SLC25A21: variants seen among roughly 807,000 people sequenced by gnomAD.
SLC25A21 encodes the protein solute carrier family 25 member 21.
SLC25A21 carries 47 observed loss-of-function variants against 43.8 expected under a neutral mutation model. That is an observed-to-expected ratio of 1.07 (90% CI 0.85 to 1.37). The LOEUF is 1.37. Ranked by LOEUF, SLC25A21 falls within the 40% of genes most tolerant of loss-of-function variation. The probability of loss-of-function intolerance (pLI) is 0.00; values close to 1 mark genes in which losing one functional copy is unlikely to be tolerated. For synonymous variants in SLC25A21, 131 were observed against 121.3 expected (o/e 1.08, Z -0.52); for missense variants, 352 against 350.2 (o/e 1.00, Z -0.04).
At chr14:37,099,717 T>C (rs910700192) in intron 1 of SLC25A21, among the ~76,000 whole-genome samples, 5 of 152,172 alleles carry the variant, frequency 3.3e-5, no homozygotes, top group Non-Finnish European at 5.9e-5. Context: ...AGGCTCCATA[T>C]TGGGAACTTT....
At chr14:37,063,324 AC>A (rs1357468206) in intron 1 of SLC25A21, among the ~76,000 whole-genome samples, 1 of 151,876 alleles carries the variant, frequency 6.6e-6, no homozygotes, top group African/African-American at 2.4e-5. Flanking sequence ...ACATGGTGAA[AC>A]CCCGTCTCTA....
rs150055712 is a variant in SLC25A21 at position 37,009,882 on chromosome 14, C to T, written c.71-134878G>A. On this transcript the variant is annotated intron_variant, in intron 1 of 9. Coordinates refer to ENST00000331299, the MANE Select transcript of SLC25A21 (RefSeq NM_030631.4). ...GAGAGACAGGGCTCAGGACACATTG[C>T]TTTGCAAGCTTTAAAAAACTTAAGA... 6.6e-5 allele frequency among the ~76,000 whole-genome samples: 10 copies of T among 152,202 alleles called. No homozygotes were observed. In the East Asian group the frequency reaches 1.5e-3, roughly 24 times the overall value.
intron 5 of SLC25A21, among the ~76,000 whole-genome samples, chr14:36,728,191 A>G (rs1022650705): frequency 6.6e-6 from 1 of 152,236 alleles, no homozygotes; most frequent in Non-Finnish European, 1.5e-5. Flanking sequence ...GCCATATAAA[A>G]AAAAGTAACT....
chr14:36,766,125 A>C (rs1886406356), intron 3 of SLC25A21, among the ~76,000 whole-genome samples: 1 of 76,250 alleles, frequency 1.3e-5, no homozygotes, highest in Non-Finnish European at 2.9e-5. Context: ...TTATTTCCCC[A>C]CCTTGTTCTC....
intron 1 of SLC25A21, among the ~76,000 whole-genome samples, chr14:36,993,343 A>T (rs2138715489): frequency 6.6e-6 from 1 of 152,320 alleles, no homozygotes; most frequent in East Asian, 1.9e-4. Context: ...CAAAGCCACG[A>T]GTTTTATGGC....
chr14:37,013,008 G>A (rs750143098), intron 1 of SLC25A21, among the ~76,000 whole-genome samples: 5 of 152,198 alleles, frequency 3.3e-5, no homozygotes, highest in Non-Finnish European at 5.9e-5. Flanking sequence ...GGTGGATTGC[G>A]CAGCTCAGAG....
chr14:37,167,391 C>T lies in SLC25A21; in HGVS notation c.70+4890G>A, dbSNP rs147294735. 1.1e-3 allele frequency among the ~76,000 whole-genome samples: 165 copies of T among 152,240 alleles called. 1 individual carries two copies. The highest frequency in any genetic ancestry group is 3.7e-3 in the African/African-American group (155 of 41,556). ...TGAAACTGCCATTGCAAAATTGTAA[C>T]TGAGACAGTGAAATAAATCTGACCT... On this transcript the variant is annotated intron_variant, in intron 1 of 9. Coordinates refer to ENST00000331299, the MANE Select transcript of SLC25A21 (RefSeq NM_030631.4).
intron 5 of SLC25A21, among the ~76,000 whole-genome samples, chr14:36,727,771 T>G (rs182783761): frequency 4.6e-5 from 7 of 152,272 alleles, no homozygotes; most frequent in Admixed American, 3.9e-4. Context: ...ACTGATGATG[T>G]TTCCATTTCA....
intron 1 of SLC25A21, among the ~76,000 whole-genome samples, chr14:36,940,088 C>T (rs1892519465): frequency 1.3e-5 from 2 of 152,070 alleles, no homozygotes; most frequent in Non-Finnish European, 2.9e-5. Flanking sequence ...AAGAATGTTA[C>T]GTGTATATTC....
intron 1 of SLC25A21, among the ~76,000 whole-genome samples, chr14:36,990,655 T>C (rs1343068365): frequency 1.3e-5 from 2 of 152,110 alleles, no homozygotes; most frequent in South Asian, 4.1e-4. Flanking sequence ...GGTGGGAGAA[T>C]AGCTTGAGTC....
At chr14:36,711,511 G>A in intron 6 of SLC25A21, 29 bp from the exon 7 acceptor site, 1 of 1,609,252 alleles carries the variant, frequency 6.2e-7, no homozygotes, top group East Asian at 2.2e-5. Flanking sequence ...AGGCCAGAAT[G>A]ATCATCTTTG....
chr14:36,686,854 T>G (rs1012362306), intron 7 of SLC25A21, among the ~76,000 whole-genome samples: 2 of 152,158 alleles, frequency 1.3e-5, no homozygotes, highest in Non-Finnish European at 2.9e-5. Context: ...GACTCAATGA[T>G]GGTCATTGTG....
chr14:36,815,951 G>A (rs955642163), intron 2 of SLC25A21, among the ~76,000 whole-genome samples: 3 of 152,144 alleles, frequency 2.0e-5, no homozygotes, highest in African/African-American at 7.2e-5. Flanking sequence ...GCTTTTCTTA[G>A]ATTGTTGGCT....
intron 1 of SLC25A21, among the ~76,000 whole-genome samples, chr14:37,041,273 A>G (rs1961465311): frequency 6.6e-6 from 1 of 152,198 alleles, no homozygotes; most frequent in Non-Finnish European, 1.5e-5. Context: ...GCTCAGAACT[A>G]ATTCATTATT....
chr14:37,145,833 T>G (rs1044478942), intron 1 of SLC25A21, among the ~76,000 whole-genome samples: 5 of 152,124 alleles, frequency 3.3e-5, no homozygotes, highest in African/African-American at 1.2e-4. Flanking sequence ...GAAGACAAAT[T>G]TCTAGGTTCA....
At chr14:36,832,540 T>C (rs1312273611) in intron 2 of SLC25A21, among the ~76,000 whole-genome samples, 2 of 152,192 alleles carry the variant, frequency 1.3e-5, no homozygotes, top group Non-Finnish European at 2.9e-5. Context: ...CAATTTTCCA[T>C]AATATTCCAT....
At chr14:36,697,501 A>G (rs1011017332) in intron 7 of SLC25A21, among the ~76,000 whole-genome samples, 2 of 152,120 alleles carry the variant, frequency 1.3e-5, no homozygotes, top group African/African-American at 4.8e-5. Context: ...TCTAATATTG[A>G]CAGTGGGGTG....
chr14:36,884,742 T>C (rs1890864670), intron 1 of SLC25A21, among the ~76,000 whole-genome samples: 1 of 152,184 alleles, frequency 6.6e-6, no homozygotes, highest in African/African-American at 2.4e-5. Context: ...TGATGAGCAT[T>C]TTTCTATATG....
rs146262137 is a variant in SLC25A21, at chr14:36,705,774, G to T, written c.603+5544C>A. ...AGAATTATCCCATGCCAGTCAGAGT[G>T]CGTGAAATCTCAGATTTCCTTGGAA... On this transcript the variant is annotated intron_variant, in intron 7 of 9. Transcript: ENST00000331299. Among the ~76,000 whole-genome samples the T allele has an allele frequency of 1.4e-4, 22 of 152,270 alleles. 1 individual carries two copies. The highest frequency in any genetic ancestry group is 5.1e-4 in the African/African-American group (21 of 41,562).
Sources: gnomAD v4.1 joint callset for allele counts (sites outside exome capture counted in the v4.1 genomes callset) on GRCh38, gnomAD v4.1.1 for gene constraint, MANE v1.5 for transcripts, NCBI Gene and HGNC (gene_info 2026-07-23, HGNC 2026-07-21) for gene names.